EML5: variants seen among roughly 807,000 people sequenced by gnomAD.
The protein encoded by EML5 is echinoderm microtubule-associated protein-like 5.
EML5 carries 120 observed loss-of-function variants against 250.0 expected under a neutral mutation model. That is an observed-to-expected ratio of 0.48 (90% CI 0.41 to 0.56). EML5 has a LOEUF of 0.56. EML5 is among the 20% of genes least tolerant of loss of function. The probability of loss-of-function intolerance (pLI) is 0.00; values close to 1 mark genes in which losing one functional copy is unlikely to be tolerated. For missense variants in EML5, 2,006 were observed against 2,437.6 expected (o/e 0.82, Z 3.73); for synonymous variants, 771 against 806.5 (o/e 0.96, Z 0.75).
At chr14:88,757,544 G>T (rs1477977419) in intron 1 of EML5, among the ~76,000 whole-genome samples, 2 of 151,974 alleles carry the variant, frequency 1.3e-5, no homozygotes, top group Non-Finnish European at 2.9e-5. Flanking sequence ...CCAGAGAATG[G>T]GAGAAAATAT....
intron 5 of EML5, among the ~76,000 whole-genome samples, chr14:88,739,640 C>A (rs1417728124): frequency 1.3e-5 from 2 of 152,024 alleles, no homozygotes; most frequent in Non-Finnish European, 2.9e-5. Flanking sequence ...CTAGGCATGG[C>A]AGATCACCCA....
chr14:88,712,554 G>T, intron 9 of EML5, 71 bp from the exon 10 acceptor site: 1 of 1,279,804 alleles, frequency 7.8e-7, no homozygotes, highest in Non-Finnish European at 1.1e-6. Flanking sequence ...ACTGTACTGA[G>T]AACATAGTAA....
chr14:88,710,271 C>T (rs965830431), intron 10 of EML5, among the ~76,000 whole-genome samples: 1 of 152,192 alleles, frequency 6.6e-6, no homozygotes, highest in African/African-American at 2.4e-5. Flanking sequence ...ATATGTGGTT[C>T]ATATGATCAT....
chr14:88,699,115 G>A (rs758973703), intron 14 of EML5, among the ~76,000 whole-genome samples: 1 of 152,068 alleles, frequency 6.6e-6, no homozygotes, highest in East Asian at 1.9e-4. Flanking sequence ...AGGGGAGAAG[G>A]GAGAGGTTGG....
chr14:88,666,601 T>A (rs2092314215), intron 21 of EML5, among the ~76,000 whole-genome samples: 1 of 152,206 alleles, frequency 6.6e-6, no homozygotes, highest in African/African-American at 2.4e-5. Flanking sequence ...TATATACGTT[T>A]CAGAACCATA....
intron 31 of EML5, among the ~76,000 whole-genome samples, chr14:88,642,684 C>A (rs1595341152): frequency 6.6e-6 from 1 of 152,094 alleles, no homozygotes. Context: ...TTATGAATTC[C>A]TTTTCTGCTG....
intron 16 of EML5, 26 bp from the exon 17 acceptor site, chr14:88,694,433 G>C: frequency 1.4e-6 from 2 of 1,432,498 alleles, no homozygotes; most frequent in South Asian, 2.5e-5. Flanking sequence ...AAATGTTTTA[G>C]CTCTGAAGAT....
chr14:88,645,374 A>G (rs1270807788), intron 29 of EML5, among the ~76,000 whole-genome samples: 1 of 152,214 alleles, frequency 6.6e-6, no homozygotes, highest in Non-Finnish European at 1.5e-5. Flanking sequence ...ATAACAGCAC[A>G]AGAGTAGATT....
chr14:88,627,858 T>C (rs1256276604), intron 33 of EML5, 39 bp from the exon 34 acceptor site: 2 of 1,511,686 alleles, frequency 1.3e-6, no homozygotes, highest in East Asian at 2.4e-5. Context: ...AATCTACCTG[T>C]TATAAATATT....
In EML5 at chr14:88,618,794, C is replaced by G; in HGVS notation, c.5394G>C (p.Arg1798=). Residue 1798 remains arginine (R), a synonymous_variant, in exon 40 of 44, where the codon CGG becomes CGC. Transcript: ENST00000554922. ...TCTCACTAGAACCTACTGCCAGATA[C>G]CGGGAATCCGGACTAAATCTGAATC... is the stretch of plus-strand genomic sequence containing the variant. ...IHDIRFSPDS[R]YLAVGSSENS... 6.3e-7 allele frequency: 1 copy of G among 1,589,530 alleles called. No homozygotes were observed. Among genetic ancestry groups the G allele is most frequent in the Middle Eastern group, 1.7e-4 (1 of 5,934 alleles).
At chr14:88,732,762 A>C (rs2140159438) in intron 7 of EML5, among the ~76,000 whole-genome samples, 1 of 152,180 alleles carries the variant, frequency 6.6e-6, no homozygotes, top group African/African-American at 2.4e-5. Context: ...TTTTGTTGTG[A>C]TTTTCTGATC....
intron 17 of EML5, among the ~76,000 whole-genome samples, chr14:88,693,699 A>G (rs985261424): frequency 6.6e-6 from 1 of 152,116 alleles, no homozygotes; most frequent in Admixed American, 6.6e-5. Context: ...ATTTCCAGAA[A>G]AGATGCAAAA....
intron 1 of EML5, among the ~76,000 whole-genome samples, chr14:88,779,685 C>T (rs750233847): frequency 3.9e-5 from 6 of 152,132 alleles, no homozygotes; most frequent in South Asian, 2.1e-4. Context: ...ATATTCTAGG[C>T]GCAAACCAGG....
At chr14:88,645,920 T>C (rs535865222) in intron 29 of EML5, among the ~76,000 whole-genome samples, 50 of 152,342 alleles carry the variant, frequency 3.3e-4, no homozygotes, top group African/African-American at 1.2e-3. Flanking sequence ...AGTTCACATT[T>C]TGAATTACTT....
chr14:88,642,264 T>C (rs1037447715), intron 31 of EML5, among the ~76,000 whole-genome samples: 1 of 152,204 alleles, frequency 6.6e-6, no homozygotes, highest in Non-Finnish European at 1.5e-5. Context: ...AATTAAATAC[T>C]TAATGTTACT....
At chr14:88,711,417 C>T (rs779627808) in intron 10 of EML5, among the ~76,000 whole-genome samples, 30 of 74,790 alleles carry the variant, frequency 4.0e-4, no homozygotes, top group Non-Finnish European at 5.7e-4. Flanking sequence ...AACTTACAAT[C>T]ATGGCAGAAG....
chr14:88,767,500 G>A (rs562478108), intron 1 of EML5, among the ~76,000 whole-genome samples: 8 of 152,090 alleles, frequency 5.3e-5, no homozygotes, highest in African/African-American at 1.9e-4. Flanking sequence ...TCCCACAACT[G>A]GGCCTGCCTC....
At chr14:88,707,786 A>G (rs1264118625) in intron 10 of EML5, among the ~76,000 whole-genome samples, 4 of 152,196 alleles carry the variant, frequency 2.6e-5, no homozygotes, top group Non-Finnish European at 5.9e-5. Flanking sequence ...AACTTCGCAT[A>G]GTTCAGCCCA....
rs1323951040 is a variant in EML5, at chr14:88,613,551, TAA to T, written c.*2265_*2266del. 2.6e-5 allele frequency: 4 copies of T among 152,138 alleles called. No individual in the cohort carries two copies. Among genetic ancestry groups the T allele is most frequent in the African/African-American group, 9.7e-5 (4 of 41,426 alleles). 9.4% of individuals were successfully genotyped at this position (152,138 alleles called of 1,614,324 possible). A position where few individuals can be genotyped will look rare whatever the true frequency, so the allele number is the denominator to read the frequency against. ...AATAGCCACTGCCCAGACACATATTTAAGAGTTTAATCTTTCAGTTGCTATGG... is the reference window on the plus strand; with the variant it reads ...AATAGCCACTGCCCAGACACATATTTGAGTTTAATCTTTCAGTTGCTATGG... On this transcript the variant is annotated 3_prime_UTR_variant, in exon 44 of 44. Transcript: ENST00000554922.
Sources: gnomAD v4.1 joint callset for allele counts (sites outside exome capture counted in the v4.1 genomes callset) on GRCh38, gnomAD v4.1.1 for gene constraint, MANE v1.5 for transcripts, NCBI Gene and HGNC (gene_info 2026-07-23, HGNC 2026-07-21) for gene names.